Variants in ADGRB3 observed in about 807,000 individuals in gnomAD.
The protein encoded by ADGRB3 is brain-specific angiogenesis inhibitor 3.
A neutral mutation model predicts 193.4 loss-of-function variants in ADGRB3; 37 were observed. The observed-to-expected ratio is 0.19, with a 90% CI of 0.15 to 0.25. The LOEUF is 0.25. ADGRB3 is among the 10% of genes least tolerant of loss of function. ADGRB3 has a pLI of 1.00. For missense variants in ADGRB3, 1,637 were observed against 1,852.9 expected (o/e 0.88, Z 2.14); for synonymous variants, 690 against 644.2 (o/e 1.07, Z -1.08).
intron 15 of ADGRB3, among the ~76,000 whole-genome samples, chr6:69,058,289 C>T (rs953734997): frequency 1.1e-4 from 17 of 151,478 alleles, no homozygotes; most frequent in African/African-American, 4.1e-4. Context: ...TGTGATGTCT[C>T]CTCCTTTTTT....
intron 17 of ADGRB3, among the ~76,000 whole-genome samples, chr6:69,112,491 G>A (rs1773394639): frequency 6.6e-6 from 1 of 151,936 alleles, no homozygotes; most frequent in African/African-American, 2.4e-5. Flanking sequence ...AGAGCACTGG[G>A]GACAAGTTAG....
chr6:68,921,837 G>A (rs1323517985), intron 3 of ADGRB3, among the ~76,000 whole-genome samples: 1 of 151,904 alleles, frequency 6.6e-6, no homozygotes, highest in Non-Finnish European at 1.5e-5. Context: ...TAAAAAGAGA[G>A]AAAACTGTAA....
intron 3 of ADGRB3, among the ~76,000 whole-genome samples, chr6:68,802,705 A>C (rs1767335395): frequency 6.6e-6 from 1 of 151,846 alleles, no homozygotes; most frequent in South Asian, 2.1e-4. Flanking sequence ...AATTGTGTTA[A>C]GTTTTTAGAA....
intron 13 of ADGRB3, among the ~76,000 whole-genome samples, chr6:69,039,236 C>A (rs1770959392): frequency 7.2e-6 from 1 of 138,950 alleles, no homozygotes. Flanking sequence ...TTAAAGTTTC[C>A]AAGGTAATAA....
intron 17 of ADGRB3, among the ~76,000 whole-genome samples, chr6:69,226,688 C>A (rs62406846): frequency 6.6e-6 from 1 of 152,084 alleles, no homozygotes; most frequent in Non-Finnish European, 1.5e-5. Flanking sequence ...AATGTTATGG[C>A]GTAGCTATTA....
chr6:68,920,233 G>A (rs1047113196), intron 3 of ADGRB3, among the ~76,000 whole-genome samples: 1 of 151,976 alleles, frequency 6.6e-6, no homozygotes, highest in Non-Finnish European at 1.5e-5. Context: ...CCTAAAAAGC[G>A]GGGGCCAGGT....
intron 11 of ADGRB3, among the ~76,000 whole-genome samples, chr6:69,006,320 G>C (rs1769748572): frequency 6.7e-6 from 1 of 148,278 alleles, no homozygotes; most frequent in African/African-American, 2.6e-5. Context: ...AAGTGCATCA[G>C]GGGAAAAAAA....
At chr6:69,049,738 A>G (rs1312252989) in intron 15 of ADGRB3, among the ~76,000 whole-genome samples, 4 of 152,150 alleles carry the variant, frequency 2.6e-5, no homozygotes, top group African/African-American at 9.7e-5. Flanking sequence ...GAGTGTCATG[A>G]TGACTGGGAA....
intron 17 of ADGRB3, among the ~76,000 whole-genome samples, chr6:69,197,838 A>G (rs1765334038): frequency 1.3e-5 from 2 of 152,084 alleles, no homozygotes; most frequent in South Asian, 4.1e-4. Flanking sequence ...AGTATTTTGC[A>G]AAATATTTAA....
At chr6:68,766,530 A>G (rs1766510735) in intron 3 of ADGRB3, among the ~76,000 whole-genome samples, 1 of 151,964 alleles carries the variant, frequency 6.6e-6, no homozygotes, top group Non-Finnish European at 1.5e-5. Flanking sequence ...TAAAAATGGC[A>G]TATTATTTTT....
intron 3 of ADGRB3, among the ~76,000 whole-genome samples, chr6:68,856,842 A>G (rs1480882099): frequency 1.3e-5 from 2 of 152,234 alleles, no homozygotes; most frequent in Non-Finnish European, 2.9e-5. Flanking sequence ...AGCCCTTCCC[A>G]TCACAGGCCC....
intron 3 of ADGRB3, among the ~76,000 whole-genome samples, chr6:68,654,745 C>A (rs777989018): frequency 1.3e-5 from 2 of 151,784 alleles, no homozygotes; most frequent in Non-Finnish European, 2.9e-5. Flanking sequence ...ACTAAATATA[C>A]TCTTAACCAG....
rs182336809 is a variant in ADGRB3 at position 68,836,997 on chromosome 6, G to T, written c.758-93562G>T. 2.2e-3 allele frequency among the ~76,000 whole-genome samples: 339 copies of T among 152,242 alleles called. 3 individuals carry two copies. Among genetic ancestry groups the T allele is most frequent in the African/African-American group, 7.7e-3 (318 of 41,538 alleles). The stretch of plus-strand genomic sequence containing the variant: ...TTGAGGATCTTAATTTACAGAATAT[G>T]AAAAACTGTTTAGCTTTTTCTTTCT... On this transcript the variant is annotated intron_variant, in intron 3 of 31. Transcript: ENST00000370598.
chr6:68,846,341 CT>C (rs1768273966), intron 3 of ADGRB3, among the ~76,000 whole-genome samples: 1 of 152,198 alleles, frequency 6.6e-6, no homozygotes, highest in Non-Finnish European at 1.5e-5. Context: ...TTCAAGCTGG[CT>C]GCAGAAATTT....
At chr6:69,017,908 A>G (rs901875008) in intron 12 of ADGRB3, among the ~76,000 whole-genome samples, 1 of 151,952 alleles carries the variant, frequency 6.6e-6, no homozygotes, top group African/African-American at 2.4e-5. Flanking sequence ...AGTGGGCATT[A>G]TAATTATTAA....
At chr6:69,216,988 C>T (rs1046615369) in intron 17 of ADGRB3, among the ~76,000 whole-genome samples, 1 of 152,026 alleles carries the variant, frequency 6.6e-6, no homozygotes, top group African/African-American at 2.4e-5. Context: ...TGGGAAGGGG[C>T]TTATTGAGGA....
At chr6:69,103,243 G>A (rs968149817) in intron 17 of ADGRB3, among the ~76,000 whole-genome samples, 1 of 152,112 alleles carries the variant, frequency 6.6e-6, no homozygotes, top group African/African-American at 2.4e-5. Context: ...CTGAAATTCT[G>A]TTTAGTTCAG....
chr6:68,719,073 T>C (rs1239941117), intron 3 of ADGRB3, among the ~76,000 whole-genome samples: 2 of 151,834 alleles, frequency 1.3e-5, no homozygotes, highest in Non-Finnish European at 2.9e-5. Flanking sequence ...AGAGAGTTGG[T>C]ACTCTTATAA....
At chr6:68,697,188 T>A (rs1296859138) in intron 3 of ADGRB3, among the ~76,000 whole-genome samples, 1 of 152,060 alleles carries the variant, frequency 6.6e-6, no homozygotes, top group African/African-American at 2.4e-5. Context: ...GGCATTATTT[T>A]TGCATTTTGT....
Sources: gnomAD v4.1 joint callset for allele counts (sites outside exome capture counted in the v4.1 genomes callset) on GRCh38, gnomAD v4.1.1 for gene constraint, MANE v1.5 for transcripts, NCBI Gene and HGNC (gene_info 2026-07-23, HGNC 2026-07-21) for gene names.